TARS3: variants seen among roughly 807,000 people sequenced by gnomAD.
The protein encoded by TARS3 is threonine--tRNA ligase 2, cytoplasmic.
A neutral mutation model predicts 103.5 loss-of-function variants in TARS3; 94 were observed. The observed-to-expected ratio is 0.91, with a 90% CI of 0.77 to 1.08. The LOEUF (loss-of-function observed/expected upper bound fraction) is 1.08, where lower values mean the gene tolerates loss of function less well. Among genes scored for constraint, TARS3 ranks in the 50% least tolerant of loss-of-function variants. The pLI, the probability that TARS3 is intolerant of heterozygous loss-of-function variation, is 0.00. For synonymous variants in TARS3, 416 were observed against 355.4 expected (o/e 1.17, Z -1.92); for missense variants, 952 against 995.2 (o/e 0.96, Z 0.58).
At chr15:101,692,861 G>A (rs1347389867) in intron 10 of TARS3, among the ~76,000 whole-genome samples, 1 of 152,228 alleles carries the variant, frequency 6.6e-6, no homozygotes, top group East Asian at 1.9e-4. Context: ...CAGAAGAGCT[G>A]AATGTTTTGA....
chr15:101,669,767 G>A (rs1309222958), intron 15 of TARS3, among the ~76,000 whole-genome samples: 1 of 152,200 alleles, frequency 6.6e-6, no homozygotes, highest in Non-Finnish European at 1.5e-5. Flanking sequence ...GTATGTAGTA[G>A]GCTCTACCAC....
intron 15 of TARS3, among the ~76,000 whole-genome samples, chr15:101,669,304 T>TA (rs1236876442): frequency 6.6e-5 from 10 of 152,238 alleles, no homozygotes; most frequent in Admixed American, 3.3e-4. Flanking sequence ...TGTACAACTA[T>TA]AATGTATTTG....
intron 18 of TARS3, among the ~76,000 whole-genome samples, chr15:101,655,678 T>C (rs1262548364): frequency 2.7e-5 from 4 of 147,668 alleles, no homozygotes; most frequent in Non-Finnish European, 5.9e-5. Context: ...AGACTCACAG[T>C]GACTCCACCT....
Position 101,668,999 on chromosome 15 carries a change from A to G in TARS3, c.1967+2487T>C, listed in dbSNP as rs184049136. ...TTCTTTCACTTACTTTAAAAAAAAA[A>G]GTTAGCTGTAAAACAGCCTGGGGCT... On this transcript the variant is annotated intron_variant, in intron 15 of 18. Coordinates refer to ENST00000335968, the MANE Select transcript of TARS3 (RefSeq NM_152334.3). Among the ~76,000 whole-genome samples the G allele has an allele frequency of 9.2e-5, 14 of 152,298 alleles. No individual in the cohort carries two copies. The East Asian group carries it at 2.5e-3, about 27-fold the overall frequency.
chr15:101,668,876 A>G (rs1428537306), intron 15 of TARS3, among the ~76,000 whole-genome samples: 1 of 152,218 alleles, frequency 6.6e-6, no homozygotes, highest in Non-Finnish European at 1.5e-5. Context: ...CAGTGCATAC[A>G]ATTATGTACT....
At chr15:101,704,026 G>C in intron 7 of TARS3, 89 bp from the exon 8 acceptor site, 5 of 904,322 alleles carry the variant, frequency 5.5e-6, no homozygotes, top group Non-Finnish European at 5.1e-6. Context: ...GTTTTAGGTA[G>C]AGCTTCACTT....
In TARS3 at chr15:101,701,182, T is replaced by A. The variant is rs766040744; in HGVS notation, c.1224A>T (p.Glu408Asp). 5.7e-6 allele frequency: 9 copies of A among 1,586,736 alleles called. No homozygotes were observed. In the East Asian group the frequency reaches 6.7e-5, roughly 12 times the overall value. ...KNRDHRKIGK[E>D]QELFFFHDLS... ...AATCGTGGAAAAAGAAAAGTTCTTG[T>A]TCCTAGATTGAAACAAAAATTGCAT... Residue 408 changes from glutamate to aspartate, a missense_variant and splice_region_variant, in exon 10 of 19, where the codon GAA becomes GAT. Physicochemically the swap from Glu to Asp is conservative, Grantham distance 45. This residue lies in a region of TARS3 where 540 missense variants were observed against 631.0 expected (regional missense o/e 0.86). Transcript: ENST00000335968.
intron 10 of TARS3, 82 bp from the exon 11 acceptor site, chr15:101,686,144 T>A: frequency 7.8e-7 from 1 of 1,288,410 alleles, no homozygotes; most frequent in Non-Finnish European, 1.1e-6. Context: ...AGCAAATATT[T>A]TCAAATTGGG....
chr15:101,684,896 G>C (rs1186656757), intron 11 of TARS3, among the ~76,000 whole-genome samples: 2 of 152,154 alleles, frequency 1.3e-5, no homozygotes, highest in Non-Finnish European at 2.9e-5. Context: ...TCATTATAAA[G>C]TACGAGGCTA....
intron 15 of TARS3, among the ~76,000 whole-genome samples, chr15:101,664,668 A>G (rs1362065947): frequency 6.6e-6 from 1 of 152,246 alleles, no homozygotes; most frequent in East Asian, 1.9e-4. Context: ...TAGGATTTAA[A>G]CAAGACACAG....
Position 101,724,364 on chromosome 15 carries a change from CGCCGCCAGGGCCTCG to C in TARS3, c.9_23del (p.Leu6_Ala10del), listed in dbSNP as rs746266644. On this transcript the variant is annotated inframe_deletion, in exon 1 of 19. Coordinates refer to ENST00000335968, the MANE Select transcript of TARS3 (RefSeq NM_152334.3). ...GCTCCAGGCGCGACGCCACGGCCTC[CGCCGCCAGGGCCTCG>C]GCCGCCATCGCGGCCTCCCTCAGGC... The C allele has an allele frequency of 7.6e-5, 117 of 1,535,804 alleles. No individual in the cohort carries two copies. The highest frequency in any genetic ancestry group is 1.8e-4 in the Middle Eastern group (1 of 5,694).
chr15:101,664,660 G>C (rs1478702153), intron 15 of TARS3, among the ~76,000 whole-genome samples: 2 of 152,184 alleles, frequency 1.3e-5, no homozygotes, highest in East Asian at 1.9e-4. Context: ...AACCGCCTTA[G>C]GATTTAAACA....
In TARS3 at chr15:101,702,367, C is replaced by G; in HGVS notation, c.1093G>C (p.Glu365Gln). 6.2e-7 allele frequency: 1 copy of G among 1,613,762 alleles called. No homozygotes were observed. ...KIFKNSSTYW[E>Q]GNPEMETLQR... ...AATGTTTCCATTTCCGGATTGCCCT[C>G]CCAATATGTTGAGGAATTCTAAATA... Residue 365 changes from glutamate (E) to glutamine (Q), a missense_variant, in exon 9 of 19, where the codon GAG (glutamate) becomes CAG (glutamine). Glu to Gln is a conservative substitution (Grantham distance 29). Around this residue, in one of 2 missense-constraint regions of TARS3, gnomAD observed 540 missense variants for 631.0 expected, o/e 0.86. Coordinates refer to ENST00000335968, the MANE Select transcript of TARS3 (RefSeq NM_152334.3).
chr15:101,684,687 T>C (rs1039626199), intron 11 of TARS3, among the ~76,000 whole-genome samples: 3 of 152,162 alleles, frequency 2.0e-5, no homozygotes, highest in Non-Finnish European at 4.4e-5. Flanking sequence ...ATGAGTTCCA[T>C]GAGGGAATGG....
rs751114931 is a variant in TARS3 at position 101,671,697 on chromosome 15, C to A, written c.1840G>T (p.Gly614Ter). 1 of 1,614,098 alleles carries A rather than the reference C, an allele frequency of 6.2e-7. No homozygotes were observed. The change falls in exon 14 of 19, where the codon GGA (glycine) becomes TGA (stop). Residue 614 changes from glycine (G) to a stop codon, truncating the protein, a stop_gained. Coordinates refer to ENST00000335968, the MANE Select transcript of TARS3 (RefSeq NM_152334.3). LOFTEE classifies it high-confidence loss of function. ...TTAGGGCCATAAAATGCTCCATCTC[C>A]TGGGTTCATTTTCCACGGTTCTCCA... ...DFGEPWKMNP[G>*]DGAFYGPKID...
At chr15:101,719,153 C>G (rs538712063) in intron 3 of TARS3, among the ~76,000 whole-genome samples, 10 of 152,320 alleles carry the variant, frequency 6.6e-5, no homozygotes, top group Non-Finnish European at 1.3e-4. Flanking sequence ...TGTGGGGCCT[C>G]AAGGTGGCTT....
intron 13 of TARS3, among the ~76,000 whole-genome samples, chr15:101,672,623 G>A (rs1897856258): frequency 6.7e-6 from 1 of 148,526 alleles, no homozygotes; most frequent in South Asian, 2.1e-4. Context: ...CTGACTCCTG[G>A]AGTCCTGGCA....
intron 15 of TARS3, 91 bp from the exon 16 acceptor site, chr15:101,661,907 T>C: frequency 1.3e-6 from 1 of 742,784 alleles, no homozygotes; most frequent in South Asian, 2.7e-5. Context: ...TAGATTTAGA[T>C]TAGTGATATC....
At chr15:101,713,155 C>T (rs1037895073) in intron 4 of TARS3, among the ~76,000 whole-genome samples, 10 of 152,154 alleles carry the variant, frequency 6.6e-5, no homozygotes, top group South Asian at 2.1e-4. Flanking sequence ...CAAACCTGGA[C>T]GTGCATAATT....
Sources: allele counts gnomAD v4.1 joint callset (sites outside exome capture counted in the v4.1 genomes callset), GRCh38; gene constraint gnomAD v4.1.1; regional missense constraint gnomAD v4.1.1; transcripts MANE v1.5; gene names NCBI Gene and HGNC (gene_info 2026-07-23, HGNC 2026-07-21).